ANAPC13: variants seen among roughly 807,000 people sequenced by gnomAD.
ANAPC13 encodes anaphase promoting complex subunit 13.
A neutral mutation model predicts 9.6 loss-of-function variants in ANAPC13; 9 were observed. The observed-to-expected ratio is 0.94, with a 90% confidence interval of 0.57 to 1.64. The LOEUF is 1.64. Among genes scored for constraint, ANAPC13 ranks in the 40% most tolerant of loss-of-function variants. ANAPC13 has a pLI of 0.00. For synonymous variants in ANAPC13, 30 were observed against 29.7 expected, an observed-to-expected ratio of 1.01 and a Z score of -0.03; for missense variants, 75 against 85.3, an observed-to-expected ratio of 0.88 and a Z score of 0.48.
At chr3:134,482,985 T>C (rs1280175512) in intron 1 of ANAPC13, 54 bp from the exon 2 acceptor site, 34 of 1,216,454 alleles carry the variant, frequency 2.8e-5, no homozygotes, top group Non-Finnish European at 4.1e-5. Flanking sequence ...GATGGTATAA[T>C]CCACTATTAG....
In ANAPC13 at chr3:134,478,568, T is replaced by C. The variant is rs150028607; in HGVS notation, c.*22A>G. The C allele has an allele frequency of 9.3e-6, 15 of 1,607,730 alleles. No homozygotes were observed. Among genetic ancestry groups the C allele is most frequent in the Non-Finnish European group, 1.3e-5 (15 of 1,177,870 alleles). ...TATCTGTGTACTTTGAGAAAATCCA[T>C]CCACAAGAAAGGAGCCAAGCGTCAG... On this transcript the variant is annotated 3_prime_UTR_variant, in exon 3 of 3. Transcript: ENST00000354910.
At chr3:134,483,295 A>C in intron 1 of ANAPC13, 1 of 179,818 alleles carries the variant, frequency 5.6e-6, no homozygotes, top group Non-Finnish European at 1.2e-5. Context: ...TCCCTGATTC[A>C]TAATGGCCAG....
chr3:134,479,259 G>T (rs1299486795), intron 2 of ANAPC13, among the ~76,000 whole-genome samples: 1 of 152,190 alleles, frequency 6.6e-6, no homozygotes, highest in Non-Finnish European at 1.5e-5. Context: ...TTTAGCGGGA[G>T]CGTGCTTTAA....
Position 134,482,947 on chromosome 3 carries a change from G to A in ANAPC13, c.-27-16C>T, listed in dbSNP as rs1419686873. 1 of 1,520,834 alleles carries A rather than the reference G, an allele frequency of 6.6e-7. No individual in the cohort carries two copies. Among genetic ancestry groups the A allele is most frequent in the African/African-American group, 1.4e-5 (1 of 72,976 alleles). 94.2% of individuals were successfully genotyped at this position (1,520,834 alleles called of 1,614,324 possible). ...CTTGTCAAATCTGTAAGCCAAAGAG[G>A]TTATTTCTTAAACACGAAGACTGAA... On this transcript the variant is annotated splice_polypyrimidine_tract_variant and intron_variant, in intron 1 of 2. Coordinates refer to ENST00000354910, the MANE Select transcript of ANAPC13 (RefSeq NM_015391.4).
intron 2 of ANAPC13, among the ~76,000 whole-genome samples, chr3:134,482,093 T>C (rs1008123122): frequency 1.3e-5 from 2 of 152,228 alleles, no homozygotes; most frequent in Admixed American, 6.5e-5. Context: ...ACAGCAGATA[T>C]TCTAACTATA....
At chr3:134,482,004 A>T (rs576933567) in intron 2 of ANAPC13, among the ~76,000 whole-genome samples, 38 of 152,350 alleles carry the variant, frequency 2.5e-4, no homozygotes, top group African/African-American at 8.9e-4. Context: ...TGATATGTAT[A>T]TTATTCATTG....
At chr3:134,479,131 T>A (rs1012254680) in intron 2 of ANAPC13, among the ~76,000 whole-genome samples, 3 of 152,124 alleles carry the variant, frequency 2.0e-5, no homozygotes, top group Non-Finnish European at 4.4e-5. Flanking sequence ...ACTGTAAGGA[T>A]TAGGTGAGGT....
chr3:134,481,588 T>C (rs1459849562), intron 2 of ANAPC13, among the ~76,000 whole-genome samples: 1 of 152,242 alleles, frequency 6.6e-6, no homozygotes, highest in Non-Finnish European at 1.5e-5. Context: ...CAATTACTTA[T>C]CTATAAGTGT....
chr3:134,481,878 T>C (rs1934742201), intron 2 of ANAPC13, among the ~76,000 whole-genome samples: 1 of 152,244 alleles, frequency 6.6e-6, no homozygotes, highest in Admixed American at 6.5e-5. Context: ...AGATAATGTA[T>C]ATTTCCAACC....
intron 2 of ANAPC13, among the ~76,000 whole-genome samples, chr3:134,479,640 C>T (rs754831705): frequency 1.6e-4 from 24 of 152,128 alleles, no homozygotes; most frequent in Non-Finnish European, 2.8e-4. Context: ...CGAGCCACCG[C>T]GCCTGGCCCA....
intron 1 of ANAPC13, 117 bp downstream of exon 1, chr3:134,485,835 G>T (rs755864399): frequency 3.0e-5 from 9 of 296,642 alleles, no homozygotes; most frequent in Non-Finnish European, 4.0e-5. Context: ...AAAGAAAAAC[G>T]GTTATGAGCG....
intron 1 of ANAPC13, among the ~76,000 whole-genome samples, chr3:134,485,134 A>G (rs1934992378): frequency 6.6e-6 from 1 of 152,186 alleles, no homozygotes; most frequent in African/African-American, 2.4e-5. Context: ...CAGCTCTTGA[A>G]GGTCAACATC....
chr3:134,480,231 T>C (rs1478173934), intron 2 of ANAPC13, among the ~76,000 whole-genome samples: 8 of 152,134 alleles, frequency 5.3e-5, no homozygotes, highest in Non-Finnish European at 1.5e-5. Flanking sequence ...AATAAATAGG[T>C]CCTTGGTTAA....
chr3:134,483,327 T>C (rs1934782249), intron 1 of ANAPC13: 1 of 170,026 alleles, frequency 5.9e-6, no homozygotes, highest in South Asian at 1.4e-4. Flanking sequence ...TTCTAGCCCC[T>C]GGCTCAAACC....
chr3:134,482,915 C>T lies in ANAPC13; in HGVS notation c.-11G>A. ...AACCTCACTGTCCATTTTCCTGCAG[C>T]TTTGATCTTGTCAAATCTGTAAGCC... On this transcript the variant is annotated 5_prime_UTR_variant, in exon 2 of 3. Transcript: ENST00000354910. The T allele has an allele frequency of 6.2e-7, 1 of 1,605,028 alleles. No individual in the cohort carries two copies. Among genetic ancestry groups the T allele is most frequent in the Non-Finnish European group, 8.5e-7 (1 of 1,171,704 alleles).
chr3:134,482,506 C>A lies in ANAPC13; in HGVS notation c.99+300G>T, dbSNP rs116653322. 6.1e-3 allele frequency among the ~76,000 whole-genome samples: 929 copies of A among 152,304 alleles called. 12 individuals carry two copies. The highest frequency in any genetic ancestry group is 0.021 in the African/African-American group (881 of 41,554). ...GCTTCTTGTTCTTCCCCATCTTGCG[C>A]ATTAAACTCTCATTATTTGGTTTCT... On this transcript the variant is annotated intron_variant, in intron 2 of 2. Transcript: ENST00000354910.
chr3:134,481,594 A>T (rs909806829), intron 2 of ANAPC13, among the ~76,000 whole-genome samples: 2 of 152,220 alleles, frequency 1.3e-5, no homozygotes, highest in East Asian at 3.8e-4. Context: ...CTTATCTATA[A>T]GTGTTGCCTT....
Position 134,485,955 on chromosome 3 carries a change from C to CA in ANAPC13, c.-32dup. 1 of 982,124 alleles carries CA rather than the reference C, an allele frequency of 1.0e-6. No individual in the cohort carries two copies. The highest frequency in any genetic ancestry group is 1.2e-6 in the Non-Finnish European group (1 of 828,396). 60.8% of individuals were successfully genotyped at this position (982,124 alleles called of 1,614,324 possible). On this transcript the variant is annotated 5_prime_UTR_variant, in exon 1 of 3. Transcript: ENST00000354910. ...CGGGGGCGCTGGAAACCCTTACCGG[C>CA]ACCCGGCCACCGCGGCAGACGCTTG...
At chr3:134,482,430 A>G (rs148645707) in intron 2 of ANAPC13, among the ~76,000 whole-genome samples, 22 of 152,370 alleles carry the variant, frequency 1.4e-4, no homozygotes, top group African/African-American at 5.3e-4. Flanking sequence ...AAATGCTGAA[A>G]GACTGATGAG....
Sources: gnomAD v4.1 joint callset for allele counts (sites outside exome capture counted in the v4.1 genomes callset) on GRCh38, gnomAD v4.1.1 for gene constraint, MANE v1.5 for transcripts, NCBI Gene and HGNC (gene_info 2026-07-23, HGNC 2026-07-21) for gene names.